BRD1: variants seen among roughly 807,000 people sequenced by gnomAD.
The protein encoded by BRD1 is bromodomain containing 1.
Under a neutral mutation model 107.7 loss-of-function variants are expected in BRD1, and 24 were observed. That is an observed-to-expected ratio of 0.22 (90% confidence interval 0.16 to 0.31). BRD1 has a LOEUF of 0.31. BRD1 is among the 10% of genes least tolerant of loss of function. BRD1 has a pLI of 1.00. For missense variants in BRD1, 1,279 were observed against 1,638.6 expected (o/e 0.78, Z 3.79); for synonymous variants, 744 against 686.1 (o/e 1.08, Z -1.32).
chr22:49,805,162 C>T (rs181201520), intron 2 of BRD1, among the ~76,000 whole-genome samples: 2 of 152,350 alleles, frequency 1.3e-5, no homozygotes, highest in Admixed American at 6.5e-5. Flanking sequence ...AAAATGACAT[C>T]AGTCATCTTC....
chr22:49,817,505 T>C lies in BRD1; in HGVS notation c.1367+5446A>G, dbSNP rs143488565. The C allele has an allele frequency of 2.2e-3, 348 of 155,522 alleles. 2 individuals carry two copies. Among genetic ancestry groups the C allele is most frequent in the Non-Finnish European group, 3.7e-3 (260 of 69,364 alleles). 9.6% of individuals were successfully genotyped at this position (155,522 alleles called of 1,614,324 possible). A position where few individuals can be genotyped will look rare whatever the true frequency, so the allele number is the denominator to read the frequency against. ...GCTCAAACAATCAGCTGGTGCAGCA[T>C]GTCTGCTGAATGACTGTGCTGTGAT... On this transcript the variant is annotated intron_variant, in intron 2 of 12. Transcript: ENST00000404760.
chr22:49,813,013 G>T (rs1287481901), intron 2 of BRD1, among the ~76,000 whole-genome samples: 1 of 152,176 alleles, frequency 6.6e-6, no homozygotes, highest in Non-Finnish European at 1.5e-5. Flanking sequence ...AGACCAGGAG[G>T]CCAAGCAGGC....
At chr22:49,811,540 A>G (rs1363625005) in intron 2 of BRD1, among the ~76,000 whole-genome samples, 2 of 152,224 alleles carry the variant, frequency 1.3e-5, no homozygotes, top group East Asian at 3.8e-4. Flanking sequence ...AGGCAGCTGC[A>G]CGGCGTGGGT....
chr22:49,784,321 C>G (rs1164697616), intron 8 of BRD1, among the ~76,000 whole-genome samples: 1 of 151,182 alleles, frequency 6.6e-6, no homozygotes. Context: ...GACACCCCCA[C>G]GCTCTCACAC....
intron 8 of BRD1, among the ~76,000 whole-genome samples, chr22:49,780,022 G>A (rs776780258): frequency 2.6e-5 from 4 of 152,124 alleles, no homozygotes; most frequent in South Asian, 2.1e-4. Context: ...CTGAACAGAC[G>A]CAGCCCAGGG....
chr22:49,826,049 G>T, intron 1 of BRD1: 1 of 487,106 alleles, frequency 2.1e-6, no homozygotes, highest in Non-Finnish European at 2.7e-6. Flanking sequence ...CGTGAGCCCT[G>T]CAGAGGTGAC....
rs1196313907 is a variant in BRD1, at chr22:49,823,219, C to G, written c.1099G>C (p.Val367Leu). ...KAGLYMKMEP[V>L]KELTGGGTTF... ...GTGCCACCGCCAGTCAGTTCCTTCA[C>G]GGGCTCCATTTTCATGTACAGGCCA... Residue 367 changes from valine (V) to leucine (L), a missense_variant, in exon 2 of 13, where the codon GTG becomes CTG. This residue lies in a region of BRD1 where 158 missense variants were observed against 310.2 expected (regional missense o/e 0.51). Coordinates refer to ENST00000404760, the MANE Select transcript of BRD1 (RefSeq NM_001304808.3). 1 of 1,614,198 alleles carries G rather than the reference C, an allele frequency of 6.2e-7. No individual in the cohort carries two copies.
intron 6 of BRD1, among the ~76,000 whole-genome samples, chr22:49,796,170 G>A (rs2059527618): frequency 6.6e-6 from 1 of 151,200 alleles, no homozygotes; most frequent in South Asian, 2.1e-4. Context: ...GGCTCACTGA[G>A]AGCACCGCCT....
chr22:49,798,423 C>T, intron 5 of BRD1, 135 bp downstream of exon 5: 2 of 1,444,498 alleles, frequency 1.4e-6, no homozygotes, highest in East Asian at 2.3e-5. Flanking sequence ...AATTTAAAAA[C>T]AAATACGTTA....
chr22:49,826,101 C>T, intron 1 of BRD1: 1 of 920,748 alleles, frequency 1.1e-6, no homozygotes, highest in Non-Finnish European at 1.3e-6. Context: ...CCCGGGACGC[C>T]GACACGCGTC....
At chr22:49,804,499 A>G in intron 2 of BRD1, 139 bp from the exon 3 acceptor site, 1 of 962,108 alleles carries the variant, frequency 1.0e-6, no homozygotes, top group Non-Finnish European at 1.5e-6. Context: ...CTGTATTTCT[A>G]CTATCCCTAG....
intron 1 of BRD1, among the ~76,000 whole-genome samples, chr22:49,827,028 C>A (rs1373570984): frequency 6.6e-6 from 1 of 152,020 alleles, no homozygotes; most frequent in Non-Finnish European, 1.5e-5. Flanking sequence ...GGCTCCTGGG[C>A]GATCTCGGGG....
Position 49,803,909 on chromosome 22 carries a change from G to C in BRD1, c.1524+295C>G, listed in dbSNP as rs2059689576. Reference sequence around the variant, plus strand: ...CATCCCTGAGCATCCCCAGTCCCCAGAGCTGGCCACTGCCCATCAGCGTGT... The same window carrying C: ...CATCCCTGAGCATCCCCAGTCCCCACAGCTGGCCACTGCCCATCAGCGTGT... On this transcript the variant is annotated intron_variant, in intron 3 of 12. Coordinates refer to ENST00000404760, the MANE Select transcript of BRD1 (RefSeq NM_001304808.3). This position sits in a 1 kb window ranked among gnomAD's most constrained non-coding sequence, Gnocchi z 4.4. Among the ~76,000 whole-genome samples the C allele has an allele frequency of 6.6e-6, 1 of 152,220 alleles. No individual in the cohort carries two copies. The highest frequency in any genetic ancestry group is 1.5e-5 in the Non-Finnish European group (1 of 68,048).
chr22:49,827,434 CGGCGGCCGGGCGGCCCGCGA>C (rs1466311707), intron 1 of BRD1, 43 bp downstream of exon 1: 1 of 145,334 alleles, frequency 6.9e-6, no homozygotes, highest in Non-Finnish European at 1.5e-5. Flanking sequence ...GAGGCGGCGG[CGGCGGCCGGGCGGCCCGCGA>C]GGCGGCGGGG....
At position 49,792,059 on chromosome 22, in the gene BRD1, G is replaced by A. The variant is rs549446680; in HGVS notation, c.2359+1975C>T. ...AGGAGCCACGCTCACCACAGCGGAGGGCCAAGCAGCTCCAACCATGCGAGG... is the reference window on the plus strand; with the variant it reads ...AGGAGCCACGCTCACCACAGCGGAGAGCCAAGCAGCTCCAACCATGCGAGG... On this transcript the variant is annotated intron_variant, in intron 7 of 12. Coordinates refer to ENST00000404760, the MANE Select transcript of BRD1 (RefSeq NM_001304808.3). The surrounding 1 kb of genome is among the most constrained non-coding windows in gnomAD (Gnocchi z 4.2). Among the ~76,000 whole-genome samples the A allele has an allele frequency of 4.7e-4, 72 of 152,236 alleles. No individual in the cohort carries two copies. Among genetic ancestry groups the A allele is most frequent in the African/African-American group, 1.5e-3 (64 of 41,528 alleles).
At chr22:49,821,512 T>C (rs552707872) in intron 2 of BRD1, among the ~76,000 whole-genome samples, 14 of 152,372 alleles carry the variant, frequency 9.2e-5, no homozygotes, top group African/African-American at 2.6e-4. Flanking sequence ...TCTGTCTGAA[T>C]TGACTAATTA....
At chr22:49,812,104 C>CTTTTTT (rs374572699) in intron 2 of BRD1, among the ~76,000 whole-genome samples, 1 of 123,510 alleles carries the variant, frequency 8.1e-6, no homozygotes, top group Non-Finnish European at 1.6e-5. Context: ...CAGTCTGCTC[C>CTTTTTT]TTTTTTTTTT....
chr22:49,823,408 C>T lies in BRD1; in HGVS notation c.910G>A (p.Ala304Thr). 4 of 1,612,892 alleles carry T rather than the reference C, an allele frequency of 2.5e-6. No individual in the cohort carries two copies. The highest frequency in any genetic ancestry group is 3.4e-6 in the Non-Finnish European group (4 of 1,180,022). Reference sequence around the variant, plus strand: ...ATGGGCTCGATGAACACCGTGTTGGCAAAGCCGACCTCTGGGATCCACAGG... The same window carrying T: ...ATGGGCTCGATGAACACCGTGTTGGTAAAGCCGACCTCTGGGATCCACAGG... Reference protein sequence around the residue: ...CALWIPEVGFANTVFIEPIDG... With the variant: ...CALWIPEVGFTNTVFIEPIDG... Residue 304 changes from alanine (A) to threonine (T), a missense_variant, in exon 2 of 13, where the codon GCC (alanine) becomes ACC (threonine). Ala to Thr is a moderately conservative substitution (Grantham distance 58). This residue lies in a region of BRD1 where 158 missense variants were observed against 310.2 expected (regional missense o/e 0.51). Transcript: ENST00000404760.
rs770369796 is a variant in BRD1 at position 49,794,254 on chromosome 22, G to A, written c.2139C>T (p.Gly713=). 2 of 1,613,558 alleles carry A rather than the reference G, an allele frequency of 1.2e-6. No homozygotes were observed. The highest frequency in any genetic ancestry group is 1.1e-5 in the South Asian group (1 of 91,076). The part of the protein sequence containing the change: ...LLDPANRAHL[G]LEEQLRELLD... ...GCAGCTCTCTCAGCTGCTCCTCCAG[G>A]CCCAGGTGGGCTCTGTTGGCGGGGT... is the stretch of plus-strand genomic sequence containing the variant. The change falls in exon 7 of 13, where the codon GGC becomes GGT. Residue 713 remains glycine (G), a synonymous_variant. Coordinates refer to ENST00000404760, the MANE Select transcript of BRD1 (RefSeq NM_001304808.3).
Sources: gnomAD v4.1 joint callset for allele counts (sites outside exome capture counted in the v4.1 genomes callset) on GRCh38, gnomAD v4.1.1 for gene constraint, gnomAD v4.1.1 regional missense constraint, Gnocchi (gnomAD v3.1) non-coding constraint, MANE v1.5 for transcripts, NCBI Gene and HGNC (gene_info 2026-07-23, HGNC 2026-07-21) for gene names.